SIAH3: variants seen among roughly 807,000 people sequenced by gnomAD.
SIAH3 encodes seven in absentia homolog 3.
A neutral mutation model predicts 12.6 loss-of-function variants in SIAH3; 9 were observed. The observed-to-expected ratio is 0.72, with a 90% CI of 0.43 to 1.25. The LOEUF (loss-of-function observed/expected upper bound fraction) is 1.25, where lower values mean the gene tolerates loss of function less well. Ranked by LOEUF, SIAH3 falls within the 50% of genes most tolerant of loss-of-function variation. SIAH3 has a pLI of 0.00. For missense variants in SIAH3, 390 were observed against 365.4 expected (o/e 1.07, Z -0.55); for synonymous variants, 154 against 151.1 (o/e 1.02, Z -0.14).
rs761455654 is a variant in SIAH3 at position 45,783,901 on chromosome 13, G to A, written c.292C>T (p.His98Tyr). 3 of 1,611,968 alleles carry A rather than the reference G, an allele frequency of 1.9e-6. No individual in the cohort carries two copies. Among genetic ancestry groups the A allele is most frequent in the South Asian group, 2.2e-5 (2 of 90,978 alleles). Residue 98 changes from histidine to tyrosine, a missense_variant, in exon 2 of 2, where the codon CAC becomes TAC. Transcript: ENST00000400405. ...HHLHHQEAGLHANPVTPCLCM... is the reference protein window; with the variant it reads ...HHLHHQEAGLYANPVTPCLCM... ...AGGCAGGGCGTCACCGGGTTGGCGT[G>A]CAGCCCCGCCTCCTGGTGGTGAAGG...
At chr13:45,810,367 T>A (rs1415510142) in intron 1 of SIAH3, among the ~76,000 whole-genome samples, 2 of 152,230 alleles carry the variant, frequency 1.3e-5, no homozygotes, top group African/African-American at 4.8e-5. Context: ...GACTCTTGTG[T>A]GTGTGGTTGT....
At chr13:45,823,082 C>G (rs1212579658) in intron 1 of SIAH3, among the ~76,000 whole-genome samples, 1 of 152,170 alleles carries the variant, frequency 6.6e-6, no homozygotes, top group Non-Finnish European at 1.5e-5. Context: ...ATTTGAACCT[C>G]AGTAGAAGGT....
intron 1 of SIAH3, among the ~76,000 whole-genome samples, chr13:45,831,712 G>T (rs9562621): frequency 0.08 from 12,194 of 152,088 alleles, 613 homozygotes; most frequent in East Asian, 0.19. Flanking sequence ...AGGAGGGAGG[G>T]GACATGAGAA....
chr13:45,797,926 C>T (rs138466447), intron 1 of SIAH3, among the ~76,000 whole-genome samples: 2 of 152,100 alleles, frequency 1.3e-5, no homozygotes, highest in Non-Finnish European at 1.5e-5. Context: ...TTCATGATGG[C>T]GGTGATAGGG....
chr13:45,813,612 T>C (rs1282883827), intron 1 of SIAH3, among the ~76,000 whole-genome samples: 1 of 152,192 alleles, frequency 6.6e-6, no homozygotes, highest in Non-Finnish European at 1.5e-5. Flanking sequence ...TTAAAAGTAA[T>C]GCTAAAATAC....
chr13:45,847,141 C>A (rs934699072), intron 1 of SIAH3, among the ~76,000 whole-genome samples: 2 of 152,218 alleles, frequency 1.3e-5, no homozygotes, highest in African/African-American at 4.8e-5. Flanking sequence ...GGGAATGGGA[C>A]TGTCAGAGGT....
At chr13:45,794,809 C>T (rs1264786056) in intron 1 of SIAH3, among the ~76,000 whole-genome samples, 2 of 152,154 alleles carry the variant, frequency 1.3e-5, no homozygotes, top group Admixed American at 6.5e-5. Flanking sequence ...TGAACTAATA[C>T]ACACATCTAG....
At chr13:45,817,916 T>C (rs1054371209) in intron 1 of SIAH3, among the ~76,000 whole-genome samples, 14 of 152,198 alleles carry the variant, frequency 9.2e-5, no homozygotes, top group Non-Finnish European at 1.6e-4. Context: ...ATTGTATGTG[T>C]GAGGAGAGAC....
At chr13:45,835,903 C>G (rs572067187) in intron 1 of SIAH3, among the ~76,000 whole-genome samples, 18 of 152,228 alleles carry the variant, frequency 1.2e-4, no homozygotes, top group Non-Finnish European at 2.5e-4. Context: ...TGTTCTTCAG[C>G]CTCTGTATTG....
At chr13:45,801,095 C>CGGG (rs56007987) in intron 1 of SIAH3, among the ~76,000 whole-genome samples, 4,009 of 113,600 alleles carry the variant, frequency 0.035, 118 homozygotes, top group African/African-American at 0.065. Context: ...TGATGGGTGG[C>CGGG]GGGGGGGGGC....
At chr13:45,809,712 T>C (rs1198342598) in intron 1 of SIAH3, among the ~76,000 whole-genome samples, 1 of 152,250 alleles carries the variant, frequency 6.6e-6, no homozygotes, top group Non-Finnish European at 1.5e-5. Flanking sequence ...TCAAATGTAT[T>C]GCATTTAATA....
At chr13:45,849,996 G>T (rs917927993) in intron 1 of SIAH3, among the ~76,000 whole-genome samples, 1 of 152,188 alleles carries the variant, frequency 6.6e-6, no homozygotes, top group African/African-American at 2.4e-5. Context: ...TACTTGCTTT[G>T]CCAAGGATGA....
At chr13:45,842,498 G>T (rs1442003882) in intron 1 of SIAH3, among the ~76,000 whole-genome samples, 1 of 151,968 alleles carries the variant, frequency 6.6e-6, no homozygotes, top group African/African-American at 2.4e-5. Flanking sequence ...TACAGGTGTG[G>T]GCCACCATGC....
At chr13:45,792,762 C>G (rs937612672) in intron 1 of SIAH3, among the ~76,000 whole-genome samples, 1 of 152,180 alleles carries the variant, frequency 6.6e-6, no homozygotes, top group Non-Finnish European at 1.5e-5. Flanking sequence ...TGGACCACCA[C>G]GTGTACTTTT....
At chr13:45,787,917 C>A (rs894298801) in intron 1 of SIAH3, among the ~76,000 whole-genome samples, 1 of 152,162 alleles carries the variant, frequency 6.6e-6, no homozygotes, top group Non-Finnish European at 1.5e-5. Context: ...ACCAGCAGAC[C>A]CCAGCAACGG....
intron 1 of SIAH3, among the ~76,000 whole-genome samples, chr13:45,830,246 C>A (rs527960580): frequency 6.6e-6 from 1 of 152,186 alleles, no homozygotes; most frequent in Non-Finnish European, 1.5e-5. Context: ...GCCACCTGAG[C>A]CTGTACATCC....
At chr13:45,808,205 T>A (rs7335674) in intron 1 of SIAH3, among the ~76,000 whole-genome samples, 49,218 of 151,936 alleles carry the variant, frequency 0.32, 8,860 homozygotes, top group Non-Finnish European at 0.41. Flanking sequence ...AAGAAAGTGA[T>A]GAAGAAAATG....
chr13:45,781,041 C>T lies in SIAH3; in HGVS notation c.*2342G>A, dbSNP rs895795288. The T allele has an allele frequency of 5.2e-5, 8 of 152,562 alleles. No homozygotes were observed. The highest frequency in any genetic ancestry group is 5.2e-4 in the Admixed American group (8 of 15,274). 9.5% of individuals were successfully genotyped at this position (152,562 alleles called of 1,614,324 possible). A position where few individuals can be genotyped will look rare whatever the true frequency, so the allele number is the denominator to read the frequency against. On this transcript the variant is annotated 3_prime_UTR_variant, in exon 2 of 2. Coordinates refer to ENST00000400405, the MANE Select transcript of SIAH3 (RefSeq NM_198849.3). ...TAGATGGAAGATAATAATACATTTCCCATGCTTTGTCCTAAAGCTTTCTAG... is the reference window on the plus strand; with the variant it reads ...TAGATGGAAGATAATAATACATTTCTCATGCTTTGTCCTAAAGCTTTCTAG...
intron 1 of SIAH3, among the ~76,000 whole-genome samples, chr13:45,840,358 A>G (rs999426464): frequency 3.3e-5 from 5 of 152,250 alleles, no homozygotes; most frequent in African/African-American, 1.2e-4. Flanking sequence ...CCTCATGTGT[A>G]AACTGGAAAT....
Sources: allele counts gnomAD v4.1 joint callset (sites outside exome capture counted in the v4.1 genomes callset), GRCh38; gene constraint gnomAD v4.1.1; transcripts MANE v1.5; gene names NCBI Gene and HGNC (gene_info 2026-07-23, HGNC 2026-07-21).